Variants in METTL25 observed in about 807,000 individuals in gnomAD.
The protein encoded by METTL25 is methyltransferase like 25, also known as probable methyltransferase-like protein 25.
METTL25 carries 64 observed loss-of-function variants against 71.6 expected under a neutral mutation model. The ratio of observed to expected loss-of-function variants is 0.89; its 90% CI spans 0.73 to 1.10. The LOEUF (loss-of-function observed/expected upper bound fraction) is 1.10, where lower values mean the gene tolerates loss of function less well. METTL25 is among the 50% of genes least tolerant of loss of function. The pLI is 0.00. For synonymous variants in METTL25, 287 were observed against 250.3 expected, an observed-to-expected ratio of 1.15 and a Z score of -1.38; for missense variants, 807 against 707.0, an observed-to-expected ratio of 1.14 and a Z score of -1.60.
intron 1 of METTL25, among the ~76,000 whole-genome samples, chr12:82,368,526 C>T (rs1320677335): frequency 6.6e-6 from 1 of 152,114 alleles, no homozygotes; most frequent in African/African-American, 2.4e-5. Context: ...CTGCCTGGCC[C>T]CCTAAGGTAC....
chr12:82,447,160 G>C (rs1305006080), intron 8 of METTL25, among the ~76,000 whole-genome samples: 1 of 151,922 alleles, frequency 6.6e-6, no homozygotes, highest in Non-Finnish European at 1.5e-5. Flanking sequence ...ACCCACGGAA[G>C]ATCAATGAAA....
chr12:82,368,056 A>G (rs975227742), intron 1 of METTL25, among the ~76,000 whole-genome samples: 5 of 152,108 alleles, frequency 3.3e-5, no homozygotes, highest in Non-Finnish European at 7.4e-5. Flanking sequence ...TAGGCCCCAT[A>G]ATAAATAATA....
At chr12:82,465,300 G>C (rs1241139839) in intron 9 of METTL25, among the ~76,000 whole-genome samples, 4 of 151,926 alleles carry the variant, frequency 2.6e-5, no homozygotes, top group African/African-American at 7.2e-5. Flanking sequence ...GTTGTTGAAA[G>C]TTTTTATCAT....
intron 11 of METTL25, among the ~76,000 whole-genome samples, chr12:82,477,732 C>T (rs908614413): frequency 6.6e-6 from 1 of 151,572 alleles, no homozygotes; most frequent in Admixed American, 6.6e-5. Context: ...GAGTGTTGGC[C>T]ATATGGATTC....
intron 9 of METTL25, among the ~76,000 whole-genome samples, chr12:82,462,605 T>G (rs976952666): frequency 2.6e-5 from 4 of 152,168 alleles, no homozygotes; most frequent in African/African-American, 9.7e-5. Flanking sequence ...ACTCTCTTCA[T>G]TTTAAAATTT....
intron 8 of METTL25, 159 bp downstream of exon 8, chr12:82,438,950 GTTAA>G (rs1325824286): frequency 6.3e-6 from 3 of 474,026 alleles, no homozygotes; most frequent in African/African-American, 6.0e-5. Context: ...TGTATCTTAG[GTTAA>G]TTATCATTAA....
At chr12:82,400,287 G>A (rs957426081) in intron 4 of METTL25, among the ~76,000 whole-genome samples, 2 of 151,522 alleles carry the variant, frequency 1.3e-5, no homozygotes, top group Non-Finnish European at 2.9e-5. Context: ...AGCCAAGATC[G>A]CACCACTGCA....
chr12:82,467,719 A>G (rs1414642162), intron 9 of METTL25, among the ~76,000 whole-genome samples: 1 of 151,784 alleles, frequency 6.6e-6, no homozygotes, highest in Non-Finnish European at 1.5e-5. Context: ...AGAATTCTTT[A>G]TTTGTTCTTG....
chr12:82,476,757 G>C (rs773358781), intron 10 of METTL25, 39 bp downstream of exon 10: 1 of 1,334,606 alleles, frequency 7.5e-7, no homozygotes, highest in South Asian at 1.3e-5. Flanking sequence ...TGGATATGTT[G>C]CTAGACTTGA....
At chr12:82,460,340 G>A (rs1592760290) in intron 9 of METTL25, among the ~76,000 whole-genome samples, 1 of 152,188 alleles carries the variant, frequency 6.6e-6, no homozygotes, top group Non-Finnish European at 1.5e-5. Context: ...TCCTCAAGGA[G>A]ATAGAGCAAA....
chr12:82,390,827 C>T (rs569064291), intron 3 of METTL25, among the ~76,000 whole-genome samples: 39 of 152,108 alleles, frequency 2.6e-4, no homozygotes, highest in Admixed American at 5.2e-4. Flanking sequence ...GATACTTAGC[C>T]GGAGTCGAAG....
intron 5 of METTL25, among the ~76,000 whole-genome samples, chr12:82,424,200 G>A (rs183291825): frequency 4.6e-5 from 7 of 152,290 alleles, no homozygotes; most frequent in Middle Eastern, 6.8e-3. Context: ...GGAATACTCT[G>A]CAGCCATAAA....
intron 1 of METTL25, among the ~76,000 whole-genome samples, chr12:82,362,441 AT>A (rs1329951440): frequency 6.6e-6 from 1 of 152,152 alleles, no homozygotes; most frequent in African/African-American, 2.4e-5. Context: ...GTGAAAGGTA[AT>A]TCAGCTAATA....
At chr12:82,436,000 T>C (rs1328632931) in intron 7 of METTL25, among the ~76,000 whole-genome samples, 2 of 151,472 alleles carry the variant, frequency 1.3e-5, no homozygotes, top group Non-Finnish European at 3.0e-5. Context: ...CTTGAATCTC[T>C]GAGTCTGCAG....
At chr12:82,429,248 A>G (rs535772287) in intron 5 of METTL25, among the ~76,000 whole-genome samples, 2 of 151,786 alleles carry the variant, frequency 1.3e-5, no homozygotes, top group South Asian at 4.1e-4. Flanking sequence ...TCTACTCCCT[A>G]TCTCCATGAG....
At chr12:82,388,142 G>C (rs1312940266) in intron 2 of METTL25, among the ~76,000 whole-genome samples, 1 of 152,028 alleles carries the variant, frequency 6.6e-6, no homozygotes, top group South Asian at 2.1e-4. Flanking sequence ...TTTTTGATAG[G>C]AGTACTACTC....
intron 8 of METTL25, among the ~76,000 whole-genome samples, chr12:82,455,780 C>G (rs1297506012): frequency 6.6e-6 from 1 of 151,836 alleles, no homozygotes; most frequent in Non-Finnish European, 1.5e-5. Flanking sequence ...TAAGGACTTT[C>G]AAATTTATCC....
intron 7 of METTL25, among the ~76,000 whole-genome samples, chr12:82,435,502 T>G (rs905127158): frequency 7.3e-5 from 11 of 151,546 alleles, no homozygotes; most frequent in African/African-American, 2.7e-4. Context: ...ATTGATAAAA[T>G]CTGATTCTTT....
At position 82,375,442 on chromosome 12, in the gene METTL25, G is replaced by GA. The variant is rs144093930; in HGVS notation, c.260-11350dup. On this transcript the variant is annotated intron_variant, in intron 1 of 11. Transcript: ENST00000248306. Reference sequence around the variant, plus strand: ...ACTTCCCAGCCTCTAGAGCTGTGAGGAAAAAAAAAAATATATATATGTTCT... The same window carrying GA: ...ACTTCCCAGCCTCTAGAGCTGTGAGGAAAAAAAAAAAATATATATATGTTCT... Among the ~76,000 whole-genome samples the GA allele has an allele frequency of 4.1e-4, 14 of 33,946 alleles. 1 individual carries two copies. In the East Asian group the frequency reaches 0.17, roughly 404 times the overall value. The allele number at this position is 33,946 out of a possible 152,430, so 22.3% of individuals were successfully genotyped here.
Sources: allele counts gnomAD v4.1 joint callset (sites outside exome capture counted in the v4.1 genomes callset), GRCh38; gene constraint gnomAD v4.1.1; transcripts MANE v1.5; gene names NCBI Gene and HGNC (gene_info 2026-07-23, HGNC 2026-07-21).